Variants in PAPOLA observed in about 807,000 individuals in gnomAD.
PAPOLA encodes poly(A) polymerase alpha, also known as polynucleotide adenylyltransferase alpha.
A neutral mutation model predicts 100.6 loss-of-function variants in PAPOLA; 15 were observed. The observed-to-expected ratio is 0.15, with a 90% confidence interval of 0.10 to 0.23. PAPOLA has a LOEUF of 0.23. PAPOLA is among the 10% of genes least tolerant of loss of function. PAPOLA has a pLI of 1.00. For missense variants in PAPOLA, 533 were observed against 884.2 expected (o/e 0.60, Z 5.04); for synonymous variants, 293 against 300.0 (o/e 0.98, Z 0.24).
intron 12 of PAPOLA, chr14:96,537,380 TTAA>T (rs1369203828): frequency 4.7e-6 from 1 of 212,796 alleles, no homozygotes; most frequent in African/African-American, 2.3e-5. Context: ...AAATCTGTAG[TTAA>T]TAATTCTCTG....
chr14:96,558,804 C>T (rs1901567068), intron 19 of PAPOLA, among the ~76,000 whole-genome samples: 1 of 151,730 alleles, frequency 6.6e-6, no homozygotes, highest in Admixed American at 6.6e-5. Context: ...GTAAAATTAG[C>T]CTACTCACAA....
At chr14:96,555,796 TATTTTTCTA>T in intron 17 of PAPOLA, 42 bp from the exon 18 acceptor site, 2 of 930,586 alleles carry the variant, frequency 2.1e-6, no homozygotes, top group African/African-American at 3.4e-5. Flanking sequence ...ATTTTTTTTT[TATTTTTCTA>T]TTTTTAAATT....
chr14:96,555,811 A>G (rs775809884), intron 17 of PAPOLA, 36 bp from the exon 18 acceptor site: 1 of 1,114,054 alleles, frequency 9.0e-7, no homozygotes, highest in Non-Finnish European at 1.3e-6. Context: ...TTCTATTTTT[A>G]AATTTTGAGA....
intron 20 of PAPOLA, 159 bp from the exon 21 acceptor site, chr14:96,562,657 TACA>T: frequency 6.1e-6 from 3 of 492,142 alleles, no homozygotes; most frequent in Non-Finnish European, 1.1e-5. Flanking sequence ...TGAAATAACC[TACA>T]ACATCTACTG....
intron 5 of PAPOLA, 199 bp downstream of exon 5, chr14:96,527,738 G>A: frequency 1.6e-6 from 1 of 608,054 alleles, no homozygotes. Context: ...GGAAATTGAG[G>A]CAAACAAAAT....
rs1900766739 is a variant in PAPOLA, at chr14:96,550,583, C to T, written c.1522-1897C>T. The stretch of plus-strand genomic sequence containing the variant: ...TACACAGACTGTTCAGTGCCTGTTA[C>T]CACATACATATTTTTAAAAGGTTTT... On this transcript the variant is annotated intron_variant, in intron 16 of 21. Transcript: ENST00000216277. Among the ~76,000 whole-genome samples the T allele has an allele frequency of 2.0e-5, 3 of 152,182 alleles. No homozygotes were observed. In the South Asian group the frequency reaches 6.2e-4, roughly 32 times the overall value.
intron 1 of PAPOLA, among the ~76,000 whole-genome samples, chr14:96,514,461 G>A (rs914777633): frequency 1.3e-5 from 2 of 151,844 alleles, no homozygotes; most frequent in African/African-American, 2.4e-5. Flanking sequence ...GATTGCAGGC[G>A]TGTGCCACCA....
At chr14:96,536,417 T>G (rs1899532925) in intron 11 of PAPOLA, among the ~76,000 whole-genome samples, 1 of 152,106 alleles carries the variant, frequency 6.6e-6, no homozygotes, top group African/African-American at 2.4e-5. Context: ...GAACCCTAGT[T>G]GTACTGTTAA....
At chr14:96,520,892 T>C (rs1897906845) in intron 2 of PAPOLA, 114 bp from the exon 3 acceptor site, 2 of 674,146 alleles carry the variant, frequency 3.0e-6, no homozygotes, top group South Asian at 1.6e-5. Context: ...TACAATATAC[T>C]GTGCTTCTGA....
At chr14:96,535,238 T>C (rs1159090039) in intron 10 of PAPOLA, 12 of 923,558 alleles carry the variant, frequency 1.3e-5, no homozygotes, top group Non-Finnish European at 1.4e-5. Context: ...TATCAAAAAT[T>C]TTAAATTCTG....
At chr14:96,527,900 A>C (rs1566845439) in intron 5 of PAPOLA, 53 bp from the exon 6 acceptor site, 3 of 1,238,866 alleles carry the variant, frequency 2.4e-6, no homozygotes, top group Admixed American at 1.7e-5. Context: ...TAAAACTAGT[A>C]GAGGCTTAAA....
At chr14:96,513,459 T>C (rs942026894) in intron 1 of PAPOLA, among the ~76,000 whole-genome samples, 5 of 152,240 alleles carry the variant, frequency 3.3e-5, no homozygotes, top group Non-Finnish European at 7.3e-5. Flanking sequence ...AGTTTGAACC[T>C]TCTGTCCTAG....
chr14:96,555,784 T>C lies in PAPOLA; in HGVS notation c.1665-63T>C, dbSNP rs540615378. The C allele has an allele frequency of 1.2e-4, 101 of 822,144 alleles. No individual in the cohort carries two copies. In the African/African-American group the frequency reaches 1.5e-3, roughly 13 times the overall value. The allele number at this position is 822,144 out of a possible 1,614,324, so 50.9% of individuals were successfully genotyped here. On this transcript the variant is annotated intron_variant, in intron 17 of 21. Transcript: ENST00000216277. ...TTTCTATATATGTTATAGATTATTG[T>C]AATTTTTTTTTTATTTTTCTATTTT...
intron 10 of PAPOLA, chr14:96,534,965 A>G (rs1265131712): frequency 1.0e-6 from 1 of 989,648 alleles, no homozygotes; most frequent in Non-Finnish European, 1.2e-6. Context: ...CTTAATGTTT[A>G]CATGTGGCAT....
At chr14:96,504,022 G>A (rs955343789) in intron 1 of PAPOLA, among the ~76,000 whole-genome samples, 15 of 152,238 alleles carry the variant, frequency 9.9e-5, no homozygotes, top group Admixed American at 1.3e-4. Flanking sequence ...GAATCTGCAT[G>A]GTTTCTGTTT....
chr14:96,503,611 T>C (rs898592781), intron 1 of PAPOLA, among the ~76,000 whole-genome samples: 3 of 152,150 alleles, frequency 2.0e-5, no homozygotes, highest in African/African-American at 7.2e-5. Flanking sequence ...GAGTGCCTCT[T>C]TGAGACCAGG....
At chr14:96,527,904 G>T in intron 5 of PAPOLA, 49 bp from the exon 6 acceptor site, 1 of 1,295,514 alleles carries the variant, frequency 7.7e-7, no homozygotes, top group Non-Finnish European at 1.1e-6. Flanking sequence ...ACTAGTAGAG[G>T]CTTAAAATGT....
At chr14:96,522,108 C>CTTTTTTTTTTTTTTTTTTTTTT (rs1566840969) in intron 3 of PAPOLA, among the ~76,000 whole-genome samples, 1 of 98,334 alleles carries the variant, frequency 1.0e-5, no homozygotes, top group South Asian at 4.0e-4. Context: ...TAGCCTCTTT[C>CTTTTTTTTTTTTTTTTTTTTTT]TTTCTTTCTT....
chr14:96,534,677 T>TA lies in PAPOLA; in HGVS notation c.909+115dup, dbSNP rs1899365991. 2.6e-6 allele frequency: 4 copies of TA among 1,544,132 alleles called. No individual in the cohort carries two copies. The Admixed American group carries it at 6.2e-5, about 24-fold the overall frequency. On this transcript the variant is annotated intron_variant, in intron 10 of 21. Coordinates refer to ENST00000216277, the MANE Select transcript of PAPOLA (RefSeq NM_032632.5). The stretch of plus-strand genomic sequence containing the variant: ...TTTTACTTATGAATGGTCATGTCCG[T>TA]ATTACACTTTCTTTTAGATAACCTC...
Sources: allele counts gnomAD v4.1 joint callset (sites outside exome capture counted in the v4.1 genomes callset), GRCh38; gene constraint gnomAD v4.1.1; transcripts MANE v1.5; gene names NCBI Gene and HGNC (gene_info 2026-07-23, HGNC 2026-07-21).